SEZ6: variants seen among roughly 807,000 people sequenced by gnomAD.
SEZ6 encodes the protein seizure protein 6 homolog.
SEZ6 carries 53 observed loss-of-function variants against 101.0 expected under a neutral mutation model. The ratio of observed to expected loss-of-function variants is 0.52; its 90% CI spans 0.42 to 0.66. SEZ6 has a LOEUF of 0.66. SEZ6 is among the 30% of genes least tolerant of loss of function. The probability of loss-of-function intolerance (pLI) is 0.00; values close to 1 mark genes in which losing one functional copy is unlikely to be tolerated. For synonymous variants in SEZ6, 488 were observed against 512.2 expected, an observed-to-expected ratio of 0.95 and a Z score of 0.64; for missense variants, 1,102 against 1,289.4, an observed-to-expected ratio of 0.85 and a Z score of 2.23.
intron 1 of SEZ6, among the ~76,000 whole-genome samples, chr17:28,991,440 A>C (rs1436820793): frequency 6.6e-6 from 1 of 152,204 alleles, no homozygotes; most frequent in Non-Finnish European, 1.5e-5. Context: ...TCCTGACCTC[A>C]GGTGATCGGC....
chr17:28,957,665 C>T, intron 11 of SEZ6, 126 bp from the exon 12 acceptor site: 8 of 1,083,528 alleles, frequency 7.4e-6, no homozygotes, highest in Non-Finnish European at 1.0e-5. Context: ...ACGTATCTGT[C>T]CCTACCATTA....
In SEZ6 at chr17:28,981,923, C is replaced by A. The variant is rs778011751; in HGVS notation, c.172G>T (p.Val58Phe). ...AGCTTCAAGGTGGGGGCTGTTGTGA[C>A]AAAGTGGACGCCTCGTTCTGGCTGC... is the stretch of plus-strand genomic sequence containing the variant. Reference protein sequence around the residue: ...PEQPERGVHFVTTAPTLKLLN... With the variant: ...PEQPERGVHFFTTAPTLKLLN... Residue 58 changes from valine (V) to phenylalanine (F), a missense_variant, in exon 2 of 17, where the codon GTC becomes TTC. Val to Phe is a conservative substitution (Grantham distance 50). This residue lies in a region of SEZ6 where 406 missense variants were observed against 418.6 expected (regional missense o/e 0.97). Transcript: ENST00000317338. The A allele has an allele frequency of 6.2e-7, 1 of 1,613,888 alleles. No homozygotes were observed. Among genetic ancestry groups the A allele is most frequent in the Non-Finnish European group, 8.5e-7 (1 of 1,179,876 alleles).
chr17:28,959,162 C>T lies in SEZ6; in HGVS notation c.1970G>A (p.Arg657Gln), dbSNP rs368973190. 3.2e-5 allele frequency: 52 copies of T among 1,613,532 alleles called. No individual in the cohort carries two copies. The highest frequency in any genetic ancestry group is 6.7e-5 in the East Asian group (3 of 44,874). The stretch of plus-strand genomic sequence containing the variant: ...GGGCCCTGAGTACTGGCCCAGAACC[C>T]GGGCCGTCAGGTCATCCCCATCATA... ...TFYDGDDLTA[R>Q]VLGQYSGPRS... Residue 657 changes from arginine (R) to glutamine (Q), a missense_variant, in exon 10 of 17, where the codon CGG becomes CAG. This residue lies in a region of SEZ6 where 556 missense variants were observed against 735.1 expected (regional missense o/e 0.76). Coordinates refer to ENST00000317338, the MANE Select transcript of SEZ6 (RefSeq NM_178860.5). The surrounding 1 kb of genome is among the most constrained non-coding windows in gnomAD (Gnocchi z 4.4).
Position 28,959,008 on chromosome 17 carries a change from G to C in SEZ6, c.2107+17C>G. 1 of 1,602,516 alleles carries C rather than the reference G, an allele frequency of 6.2e-7. No individual in the cohort carries two copies. Among genetic ancestry groups the C allele is most frequent in the Non-Finnish European group, 8.5e-7 (1 of 1,173,356 alleles). ...GGCTTGCTGTCTGCACTCTGAGTGG[G>C]GTAGGGACAAGCTCACCAAAGAAGT... On this transcript the variant is annotated intron_variant, in intron 10 of 16. Transcript: ENST00000317338. This position sits in a 1 kb window ranked among gnomAD's most constrained non-coding sequence, Gnocchi z 4.4.
At chr17:28,998,295 A>G (rs2041569452) in intron 1 of SEZ6, among the ~76,000 whole-genome samples, 1 of 152,036 alleles carries the variant, frequency 6.6e-6, no homozygotes, top group Non-Finnish European at 1.5e-5. Context: ...TCCCAGACTC[A>G]TGACCAGTTA....
At position 28,956,381 on chromosome 17, in the gene SEZ6, A is replaced by G; in HGVS notation, c.2818T>C (p.Leu940=). The part of the protein sequence containing the change: ...IFLPLVAMVL[L]VGGVYFYFSR... ...AAGTAGAAGTATACACCTCCTACCA[A>G]CAACACCATCGCCACCAGTGGCAAG... The change falls in exon 15 of 17, where the codon TTG becomes CTG. Residue 940 remains leucine, a synonymous_variant. Transcript: ENST00000317338. 1.3e-6 allele frequency: 2 copies of G among 1,573,254 alleles called. No individual in the cohort carries two copies. The highest frequency in any genetic ancestry group is 1.7e-6 in the Non-Finnish European group (2 of 1,159,144).
intron 3 of SEZ6, among the ~76,000 whole-genome samples, chr17:28,972,604 C>T (rs768049950): frequency 9.2e-5 from 14 of 152,334 alleles, no homozygotes; most frequent in South Asian, 2.1e-4. Context: ...CACGTTTGGG[C>T]GGAGGCTGCC....
chr17:28,992,859 A>G (rs1017859743), intron 1 of SEZ6, among the ~76,000 whole-genome samples: 1 of 151,848 alleles, frequency 6.6e-6, no homozygotes, highest in South Asian at 2.1e-4. Flanking sequence ...TGGGGGCTGG[A>G]GAGGTGATGA....
At chr17:28,977,070 C>A (rs1420689846) in intron 3 of SEZ6, among the ~76,000 whole-genome samples, 1 of 151,970 alleles carries the variant, frequency 6.6e-6, no homozygotes, top group Non-Finnish European at 1.5e-5. Flanking sequence ...GCTTGTGGAA[C>A]AAATCCACTC....
intron 5 of SEZ6, among the ~76,000 whole-genome samples, chr17:28,961,768 G>A (rs2040982095): frequency 6.6e-6 from 1 of 152,204 alleles, no homozygotes; most frequent in African/African-American, 2.4e-5. Flanking sequence ...GGCAAGAGGA[G>A]TATGGCTGGT....
chr17:28,965,511 G>A (rs955144587), intron 4 of SEZ6, among the ~76,000 whole-genome samples: 1 of 152,014 alleles, frequency 6.6e-6, no homozygotes, highest in Non-Finnish European at 1.5e-5. Flanking sequence ...GCATGGTGAT[G>A]TGTACCTGTA....
At chr17:28,957,895 G>A in intron 11 of SEZ6, 52 bp downstream of exon 11, 6 of 1,572,588 alleles carry the variant, frequency 3.8e-6, no homozygotes, top group Non-Finnish European at 5.2e-6. Context: ...ATCCAGGAGA[G>A]AGGTTTGGAG....
Position 28,957,980 on chromosome 17 carries a change from T to C in SEZ6, c.2269A>G (p.Thr757Ala). The C allele has an allele frequency of 2.5e-6, 4 of 1,613,934 alleles. No homozygotes were observed. Among genetic ancestry groups the C allele is most frequent in the Non-Finnish European group, 3.4e-6 (4 of 1,179,826 alleles). ...CATGAGGGCAGGTCCTCACTCCAAG[T>C]TAGGTCCCACTGGCACATGAGGACA... ...SSVLMCQWDL[T>A]WSEDLPSCQR... Residue 757 changes from threonine to alanine, a missense_variant, in exon 11 of 17, where the codon ACT (threonine) becomes GCT (alanine). Around this residue, in one of 3 missense-constraint regions of SEZ6, gnomAD observed 556 missense variants for 735.1 expected, o/e 0.76. Coordinates refer to ENST00000317338, the MANE Select transcript of SEZ6 (RefSeq NM_178860.5).
chr17:28,986,914 C>T (rs2041392580), intron 1 of SEZ6, among the ~76,000 whole-genome samples: 1 of 152,238 alleles, frequency 6.6e-6, no homozygotes, highest in Non-Finnish European at 1.5e-5. Context: ...ACTCTGGCAG[C>T]CCCTGAAGAG....
At position 28,960,532 on chromosome 17, in the gene SEZ6, C is replaced by T; in HGVS notation, c.1549G>A (p.Ala517Thr). The T allele has an allele frequency of 6.3e-7, 1 of 1,592,968 alleles. No individual in the cohort carries two copies. Among genetic ancestry groups the T allele is most frequent in the Non-Finnish European group, 8.5e-7 (1 of 1,170,272 alleles). Reference protein sequence around the residue: ...VELSTDSSGAAAGMALRYEAF... With the variant: ...VELSTDSSGATAGMALRYEAF... The stretch of plus-strand genomic sequence containing the variant: ...TCATAGCGCAGGGCCATGCCTGCAG[C>T]TGCCCCGCTGCTGTCAGTACTGAGC... Residue 517 changes from alanine to threonine, a missense_variant, in exon 7 of 17, where the codon GCT (alanine) becomes ACT (threonine). Physicochemically the swap from Ala to Thr is moderately conservative, Grantham distance 58 (BLOSUM62 0). Transcript: ENST00000317338.
Position 28,955,524 on chromosome 17 carries a change from G to A in SEZ6, c.*438C>T, listed in dbSNP as rs375413995. Reference sequence around the variant, plus strand: ...AGGAGTTTTGGCCATTGGTGATGGCGCTGTGAGGAGTACCCTGGTGCAGTT... The same window carrying A: ...AGGAGTTTTGGCCATTGGTGATGGCACTGTGAGGAGTACCCTGGTGCAGTT... On this transcript the variant is annotated 3_prime_UTR_variant, in exon 17 of 17. Coordinates refer to ENST00000317338, the MANE Select transcript of SEZ6 (RefSeq NM_178860.5). 4.5e-5 allele frequency: 19 copies of A among 418,044 alleles called. No homozygotes were observed. The highest frequency in any genetic ancestry group is 2.6e-4 in the South Asian group (15 of 57,438). 25.9% of individuals were successfully genotyped at this position (418,044 alleles called of 1,614,324 possible). A position where few individuals can be genotyped will look rare whatever the true frequency, so the allele number is the denominator to read the frequency against.
intron 3 of SEZ6, 150 bp downstream of exon 3, chr17:28,979,530 C>T (rs927652897): frequency 4.0e-5 from 47 of 1,180,878 alleles, no homozygotes; most frequent in Non-Finnish European, 4.5e-5. Context: ...AGAATCTAAC[C>T]ATTTAGGCCC....
intron 1 of SEZ6, among the ~76,000 whole-genome samples, chr17:29,003,593 C>T (rs912997376): frequency 6.6e-6 from 1 of 152,226 alleles, no homozygotes; most frequent in Non-Finnish European, 1.5e-5. Context: ...TTAGGCTCGC[C>T]TTCACAAAGC....
At chr17:28,980,718 A>G (rs914805465) in intron 2 of SEZ6, among the ~76,000 whole-genome samples, 1 of 151,104 alleles carries the variant, frequency 6.6e-6, no homozygotes, top group Non-Finnish European at 1.5e-5. Flanking sequence ...TGGCCAGACT[A>G]ATCTTGAACT....
Sources: gnomAD v4.1 joint callset for allele counts (sites outside exome capture counted in the v4.1 genomes callset) on GRCh38, gnomAD v4.1.1 for gene constraint, gnomAD v4.1.1 regional missense constraint, Gnocchi (gnomAD v3.1) non-coding constraint, MANE v1.5 for transcripts, NCBI Gene and HGNC (gene_info 2026-07-23, HGNC 2026-07-21) for gene names.